The following GSK3B variants were observed in gnomAD, a reference collection of about 807,000 sequenced individuals.
GSK3B encodes the protein glycogen synthase kinase 3 beta, also known as glycogen synthase kinase-3 beta.
Under a neutral mutation model 56.4 loss-of-function variants are expected in GSK3B, and 15 were observed. The observed-to-expected ratio is 0.27, with a 90% CI of 0.18 to 0.41. The LOEUF (loss-of-function observed/expected upper bound fraction) is 0.41. Among genes scored for constraint, GSK3B ranks in the 10% least tolerant of loss-of-function variants. GSK3B has a pLI of 1.00. For synonymous variants in GSK3B, 181 were observed against 188.9 expected (o/e 0.96, Z 0.34); for missense variants, 300 against 513.4 (o/e 0.58, Z 4.02).
At position 119,897,727 on chromosome 3, in the gene GSK3B, C is replaced by T. The variant is rs564917698; in HGVS notation, c.813+8028G>A. ...CAAGAACAAATTAAGTACCAACTAA[C>T]ACAATCAGTCAGTCAAGACAGCGCC... is the stretch of plus-strand genomic sequence containing the variant. On this transcript the variant is annotated intron_variant, in intron 7 of 10. Coordinates refer to ENST00000264235, the MANE Select transcript of GSK3B (RefSeq NM_001146156.2). Among the ~76,000 whole-genome samples, 6 of 146,282 alleles carry T rather than the reference C, an allele frequency of 4.1e-5. No homozygotes were observed. The East Asian group carries it at 1.2e-3, about 29-fold the overall frequency.
At chr3:120,007,730 A>G (rs1295305669) in intron 1 of GSK3B, among the ~76,000 whole-genome samples, 1 of 152,258 alleles carries the variant, frequency 6.6e-6, no homozygotes, top group Non-Finnish European at 1.5e-5. Context: ...TTTCATACTA[A>G]AAACTTTCAA....
At chr3:120,058,033 G>T (rs17204878) in intron 1 of GSK3B, among the ~76,000 whole-genome samples, 80,295 of 151,736 alleles carry the variant, frequency 0.53, 24,674 homozygotes, top group African/African-American at 0.86. Context: ...ATCTTGTATT[G>T]CTTGCTACAA....
At chr3:119,937,074 TA>T (rs1256396486) in intron 3 of GSK3B, among the ~76,000 whole-genome samples, 1 of 152,110 alleles carries the variant, frequency 6.6e-6, no homozygotes, top group Non-Finnish European at 1.5e-5. Context: ...TAAAAATTAG[TA>T]ATGAAGGGAA....
chr3:119,844,419 AATAG>A (rs1198014402), intron 9 of GSK3B, among the ~76,000 whole-genome samples: 2 of 152,150 alleles, frequency 1.3e-5, no homozygotes, highest in Admixed American at 1.3e-4. Context: ...AGATTAACAA[AATAG>A]ATAGACTGCT....
At position 120,080,315 on chromosome 3, in the gene GSK3B, GGAAGAAGGAA is replaced by G. The variant is rs368470944; in HGVS notation, c.88+13022_88+13031del. 8.7e-4 allele frequency among the ~76,000 whole-genome samples: 132 copies of G among 151,158 alleles called. 1 individual carries two copies. The highest frequency in any genetic ancestry group is 2.9e-3 in the African/African-American group (117 of 40,898). ...CCAAAAAAGGTGGGAGGAGGGGGAGGGAAGAAGGAAGACGAAGGAAGAAGGAAGAAGGTAG... is the reference window on the plus strand; with the variant it reads ...CCAAAAAAGGTGGGAGGAGGGGGAGGGACGAAGGAAGAAGGAAGAAGGTAG... On this transcript the variant is annotated intron_variant, in intron 1 of 10. Coordinates refer to ENST00000264235, the MANE Select transcript of GSK3B (RefSeq NM_001146156.2).
intron 3 of GSK3B, among the ~76,000 whole-genome samples, chr3:119,937,262 C>A (rs1484494644): frequency 2.0e-5 from 3 of 152,058 alleles, no homozygotes; most frequent in Admixed American, 6.5e-5. Context: ...ATTTGGACCA[C>A]AGAGGTGGAT....
chr3:119,843,846 T>G (rs2055814987), intron 9 of GSK3B, among the ~76,000 whole-genome samples: 1 of 152,082 alleles, frequency 6.6e-6, no homozygotes, highest in Non-Finnish European at 1.5e-5. Context: ...TACAGAACTC[T>G]CCACCCCAAA....
rs146029960 is a variant in GSK3B, at chr3:119,889,004, A to G, written c.814-12496T>C. Among the ~76,000 whole-genome samples the G allele has an allele frequency of 1.2e-4, 18 of 152,276 alleles. No homozygotes were observed. The East Asian group carries it at 3.5e-3, about 29-fold the overall frequency. ...TTTCTGTTAAGATGTTTATCAAGAC[A>G]ATACGTGCACTGCAGAACATAGACC... On this transcript the variant is annotated intron_variant, in intron 7 of 10. Transcript: ENST00000264235.
intron 7 of GSK3B, among the ~76,000 whole-genome samples, chr3:119,896,228 C>T (rs1163206092): frequency 6.6e-6 from 1 of 151,064 alleles, no homozygotes; most frequent in Non-Finnish European, 1.5e-5. Context: ...TACTTGGAAA[C>T]AAATCATCTT....
At chr3:119,881,411 T>A (rs1469763469) in intron 7 of GSK3B, among the ~76,000 whole-genome samples, 1 of 152,226 alleles carries the variant, frequency 6.6e-6, no homozygotes, top group Non-Finnish European at 1.5e-5. Context: ...TAATTCTTAA[T>A]ATGAGTTGTA....
intron 8 of GSK3B, among the ~76,000 whole-genome samples, chr3:119,874,049 G>A (rs151275739): frequency 3.3e-5 from 5 of 152,240 alleles, no homozygotes; most frequent in Non-Finnish European, 7.4e-5. Context: ...GAATTGAAGA[G>A]GGCAAAGGAA....
chr3:119,894,072 C>A (rs898550724), intron 7 of GSK3B, among the ~76,000 whole-genome samples: 1 of 152,036 alleles, frequency 6.6e-6, no homozygotes, highest in African/African-American at 2.4e-5. Context: ...AACCACTAAT[C>A]TTTTTGTCTC....
chr3:119,937,007 A>T (rs988111610), intron 3 of GSK3B, among the ~76,000 whole-genome samples: 4 of 152,076 alleles, frequency 2.6e-5, no homozygotes, highest in African/African-American at 9.7e-5. Flanking sequence ...AATGTTAATA[A>T]ATTTTAAAAG....
intron 9 of GSK3B, among the ~76,000 whole-genome samples, chr3:119,861,621 C>T (rs2056104418): frequency 6.6e-6 from 1 of 152,074 alleles, no homozygotes; most frequent in Non-Finnish European, 1.5e-5. Flanking sequence ...CATAGAAACA[C>T]TGTTCAAAAA....
intron 1 of GSK3B, among the ~76,000 whole-genome samples, chr3:120,007,084 A>AC (rs1398474631): frequency 6.6e-6 from 1 of 152,192 alleles, no homozygotes; most frequent in Non-Finnish European, 1.5e-5. Flanking sequence ...AAAGGGGATC[A>AC]CCACTGATCC....
intron 8 of GSK3B, among the ~76,000 whole-genome samples, chr3:119,865,001 C>G (rs1183112098): frequency 6.6e-6 from 1 of 152,068 alleles, no homozygotes; most frequent in South Asian, 2.1e-4. Flanking sequence ...TACTCTGACT[C>G]GCCTCAGTCA....
intron 9 of GSK3B, among the ~76,000 whole-genome samples, chr3:119,862,160 G>A (rs1419020670): frequency 6.7e-6 from 1 of 149,366 alleles, no homozygotes; most frequent in Non-Finnish European, 1.5e-5. Context: ...TTAAGAAAAT[G>A]TGGCACATAT....
At chr3:120,004,814 G>C (rs976393186) in intron 1 of GSK3B, among the ~76,000 whole-genome samples, 3 of 152,060 alleles carry the variant, frequency 2.0e-5, no homozygotes, top group Non-Finnish European at 4.4e-5. Flanking sequence ...CACAAAGATG[G>C]GGAGAAACCA....
In GSK3B at chr3:119,823,662, G is replaced by A. The variant is rs2055450473; in HGVS notation, c.*3126C>T. On this transcript the variant is annotated 3_prime_UTR_variant, in exon 11 of 11. Transcript: ENST00000264235. ...CTGGTGCTACACTAAGTCCCTGAATGGACTAAGTATGAAATGAAACCGGTC... is the reference window on the plus strand; with the variant it reads ...CTGGTGCTACACTAAGTCCCTGAATAGACTAAGTATGAAATGAAACCGGTC... 1 of 182,592 alleles carries A rather than the reference G, an allele frequency of 5.5e-6. No homozygotes were observed. Among genetic ancestry groups the A allele is most frequent in the Non-Finnish European group, 1.2e-5 (1 of 85,838 alleles). The allele number at this position is 182,592 out of a possible 1,614,324, so 11.3% of individuals were successfully genotyped here.
Sources: allele counts gnomAD v4.1 joint callset (sites outside exome capture counted in the v4.1 genomes callset), GRCh38; gene constraint gnomAD v4.1.1; transcripts MANE v1.5; gene names NCBI Gene and HGNC (gene_info 2026-07-23, HGNC 2026-07-21).